Variants in FAM53B observed in about 807,000 individuals in gnomAD.
FAM53B encodes the protein protein FAM53B.
FAM53B carries 12 observed loss-of-function variants against 32.7 expected under a neutral mutation model. That is an observed-to-expected ratio of 0.37 (90% CI 0.24 to 0.59). The LOEUF (loss-of-function observed/expected upper bound fraction) is 0.59. Among genes scored for constraint, FAM53B ranks in the 20% least tolerant of loss-of-function variants. FAM53B has a pLI of 0.72. For missense variants in FAM53B, 477 were observed against 577.7 expected, an observed-to-expected ratio of 0.83 and a Z score of 1.79; for synonymous variants, 234 against 228.7, an observed-to-expected ratio of 1.02 and a Z score of -0.21.
At chr10:124,645,197 A>G (rs906503090) in intron 4 of FAM53B, among the ~76,000 whole-genome samples, 4 of 152,240 alleles carry the variant, frequency 2.6e-5, no homozygotes, top group African/African-American at 9.6e-5. Context: ...TCAGGTGCAG[A>G]GTGGGCCCTG....
At chr10:124,742,313 G>A (rs1950204765) in intron 1 of FAM53B, 1 of 152,168 alleles carries the variant, frequency 6.6e-6, no homozygotes, top group Admixed American at 6.6e-5. Flanking sequence ...GGCGGGGGAG[G>A]GGACCCTGTA....
intron 4 of FAM53B, among the ~76,000 whole-genome samples, chr10:124,650,940 GA>G (rs1284079522): frequency 2.0e-5 from 3 of 151,626 alleles, no homozygotes; most frequent in Non-Finnish European, 4.4e-5. Flanking sequence ...AGACAACAAA[GA>G]AAAAAGAAAT....
Position 124,733,242 on chromosome 10 carries a change from G to A in FAM53B, c.-175+10771C>T, listed in dbSNP as rs937866657. ...CAGTTCCGCCTCCACCTCTGCACAG[G>A]TTCAGTATTTTTCTTAATTCTCCTC... On this transcript the variant is annotated intron_variant, in intron 1 of 4. Transcript: ENST00000337318. The surrounding 1 kb of genome is among the most constrained non-coding windows in gnomAD (Gnocchi z 4.3). Among the ~76,000 whole-genome samples the A allele has an allele frequency of 4.6e-5, 7 of 152,140 alleles. No homozygotes were observed. In the South Asian group the frequency reaches 8.3e-4, roughly 18 times the overall value.
At chr10:124,739,187 T>C (rs962398366) in intron 1 of FAM53B, among the ~76,000 whole-genome samples, 5 of 152,192 alleles carry the variant, frequency 3.3e-5, no homozygotes, top group African/African-American at 9.7e-5. Flanking sequence ...CAGAACCCAG[T>C]GCCTCTATCA....
At chr10:124,688,531 A>G (rs547029119) in intron 3 of FAM53B, among the ~76,000 whole-genome samples, 1 of 152,330 alleles carries the variant, frequency 6.6e-6, no homozygotes. Flanking sequence ...TCTTGGACAG[A>G]CTAGGTAAGC....
At chr10:124,677,081 G>A (rs759459275) in intron 4 of FAM53B, among the ~76,000 whole-genome samples, 1 of 152,200 alleles carries the variant, frequency 6.6e-6, no homozygotes, top group Non-Finnish European at 1.5e-5. Flanking sequence ...TAAAAATACA[G>A]CAGGGACTAT....
chr10:124,661,365 G>A (rs1220107744), intron 4 of FAM53B, among the ~76,000 whole-genome samples: 1 of 152,200 alleles, frequency 6.6e-6, no homozygotes, highest in African/African-American at 2.4e-5. Context: ...AGAAGGTTGA[G>A]AGAGGCCCAG....
At chr10:124,657,753 G>A (rs1030689058) in intron 4 of FAM53B, among the ~76,000 whole-genome samples, 3 of 152,186 alleles carry the variant, frequency 2.0e-5, no homozygotes, top group Non-Finnish European at 4.4e-5. Flanking sequence ...TGTGCTGTTA[G>A]CCCTGAGCAT....
At chr10:124,665,516 G>A (rs777177640) in intron 4 of FAM53B, among the ~76,000 whole-genome samples, 4 of 152,206 alleles carry the variant, frequency 2.6e-5, no homozygotes, top group Non-Finnish European at 2.9e-5. Context: ...AACTCAAAAC[G>A]TGCCCCTCGC....
Position 124,623,580 on chromosome 10 carries a change from T to G in FAM53B, c.931A>C (p.Ser311Arg), listed in dbSNP as rs1949326588. Residue 311 changes from serine to arginine, a missense_variant, in exon 5 of 5, where the codon AGC (serine) becomes CGC (arginine). This residue lies in a region of FAM53B where 312 missense variants were observed against 420.2 expected (regional missense o/e 0.74). Coordinates refer to ENST00000337318, the MANE Select transcript of FAM53B (RefSeq NM_014661.4). ...TCCTCTGTCCCTGCGCTCAGGCAGC[T>G]GAGGCTGCTGAAGGTCTGACAGTTC... ...AQNCQTFSSL[S>R]CLSAGTEDCG... 1 of 1,609,164 alleles carries G rather than the reference T, an allele frequency of 6.2e-7. No homozygotes were observed. The highest frequency in any genetic ancestry group is 1.7e-5 in the Admixed American group (1 of 59,680).
intron 1 of FAM53B, among the ~76,000 whole-genome samples, chr10:124,739,043 CA>C (rs374990179): frequency 1.1e-3 from 123 of 107,632 alleles, no homozygotes; most frequent in African/African-American, 1.3e-3. Flanking sequence ...CTCCAAAAAA[CA>C]AAAAAAAAAA....
chr10:124,735,398 C>A (rs991493595), intron 1 of FAM53B, among the ~76,000 whole-genome samples: 1 of 152,200 alleles, frequency 6.6e-6, no homozygotes, highest in Non-Finnish European at 1.5e-5. Flanking sequence ...AGAGAGAAAA[C>A]TTAGATTTCA....
At chr10:124,628,347 T>C (rs1392789749) in intron 4 of FAM53B, among the ~76,000 whole-genome samples, 5 of 152,160 alleles carry the variant, frequency 3.3e-5, no homozygotes, top group African/African-American at 7.2e-5. Flanking sequence ...TGGGAGCAGA[T>C]AGTGACCACT....
chr10:124,735,587 T>C (rs1364994754), intron 1 of FAM53B, among the ~76,000 whole-genome samples: 1 of 152,262 alleles, frequency 6.6e-6, no homozygotes, highest in Non-Finnish European at 1.5e-5. Context: ...AAGTCCCCTC[T>C]GCTCTGTCCT....
chr10:124,705,056 G>T (rs1254846463), intron 2 of FAM53B, among the ~76,000 whole-genome samples: 2 of 152,230 alleles, frequency 1.3e-5, no homozygotes, highest in Non-Finnish European at 2.9e-5. Context: ...GGTGCCTGCT[G>T]TCTGCCCTGC....
intron 4 of FAM53B, among the ~76,000 whole-genome samples, chr10:124,654,305 C>A (rs1382275303): frequency 6.6e-6 from 1 of 152,242 alleles, no homozygotes; most frequent in Non-Finnish European, 1.5e-5. Context: ...AGGGCCTGGC[C>A]CTCCCAACCC....
chr10:124,717,173 T>C (rs557251227), intron 1 of FAM53B, among the ~76,000 whole-genome samples: 1 of 152,326 alleles, frequency 6.6e-6, no homozygotes, highest in East Asian at 1.9e-4. Context: ...GTTTGCCAAG[T>C]TATTTCCCTC....
intron 1 of FAM53B, among the ~76,000 whole-genome samples, chr10:124,728,362 A>C (rs1354073850): frequency 6.6e-6 from 1 of 152,236 alleles, no homozygotes; most frequent in Non-Finnish European, 1.5e-5. Context: ...CTATGGAGGA[A>C]ACCGTGGCAT....
chr10:124,704,538 A>G (rs7092263), intron 2 of FAM53B, among the ~76,000 whole-genome samples: 142,665 of 152,202 alleles, frequency 0.94, 67,521 homozygotes, highest in Non-Finnish European at 1. Context: ...GGGAGGGAGT[A>G]TGTCCTACTG....
Sources: gnomAD v4.1 joint callset for allele counts (sites outside exome capture counted in the v4.1 genomes callset) on GRCh38, gnomAD v4.1.1 for gene constraint, gnomAD v4.1.1 regional missense constraint, Gnocchi (gnomAD v3.1) non-coding constraint, MANE v1.5 for transcripts, NCBI Gene and HGNC (gene_info 2026-07-23, HGNC 2026-07-21) for gene names.